LIMCH1: variants seen among roughly 807,000 people sequenced by gnomAD.
The protein encoded by LIMCH1 is LIM and calponin homology domains-containing protein 1.
A neutral mutation model predicts 176.5 loss-of-function variants in LIMCH1; 113 were observed. The ratio of observed to expected loss-of-function variants is 0.64; its 90% CI spans 0.55 to 0.75. The LOEUF is 0.75. Ranked by LOEUF, LIMCH1 falls within the 30% of genes least tolerant of loss-of-function variation. The pLI is 0.00. For synonymous variants in LIMCH1, 619 were observed against 645.9 expected (o/e 0.96, Z 0.63); for missense variants, 1,674 against 1,814.9 (o/e 0.92, Z 1.41).
At chr4:41,557,173 G>A (rs905800791) in intron 1 of LIMCH1, among the ~76,000 whole-genome samples, 6 of 152,130 alleles carry the variant, frequency 3.9e-5, no homozygotes, top group African/African-American at 9.7e-5. Flanking sequence ...CCTGTGGGCC[G>A]TTGTAAAATG....
chr4:41,454,140 G>C lies in LIMCH1; in HGVS notation c.97-40396G>C, dbSNP rs149944130. ...ACCCTCACCACATTCTCTCCCGTAA[G>C]TGCCTTCATGCTCCCTTCATGACCC... On this transcript the variant is annotated intron_variant, in intron 1 of 26. Transcript: ENST00000313860. Among the ~76,000 whole-genome samples the C allele has an allele frequency of 1.0e-3, 157 of 152,124 alleles. 2 individuals carry two copies. Among genetic ancestry groups the C allele is most frequent in the African/African-American group, 2.8e-3 (116 of 41,500 alleles).
chr4:41,516,206 G>GGT (rs1294197799), intron 2 of LIMCH1, among the ~76,000 whole-genome samples: 2 of 152,174 alleles, frequency 1.3e-5, no homozygotes, highest in Non-Finnish European at 2.9e-5. Flanking sequence ...TTGATTACCA[G>GGT]GTGAAGGCAT....
upstream of LIMCH1, among the ~76,000 whole-genome samples, chr4:41,360,304 G>C (rs1015603171): frequency 1.3e-5 from 2 of 152,066 alleles, no homozygotes; most frequent in South Asian, 4.1e-4. This position sits in a 1 kb window ranked among gnomAD's most constrained non-coding sequence, Gnocchi z 4.5. Context: ...CAGGTGCTGC[G>C]CGGCCAGTGC....
chr4:41,401,774 A>G (rs1203629875), intron 1 of LIMCH1, among the ~76,000 whole-genome samples: 1 of 152,046 alleles, frequency 6.6e-6, no homozygotes, highest in African/African-American at 2.4e-5. Flanking sequence ...ATTCCTAAGT[A>G]TTTTATTCTA....
At chr4:41,586,750 G>A (rs2086554946) in intron 1 of LIMCH1, among the ~76,000 whole-genome samples, 1 of 152,150 alleles carries the variant, frequency 6.6e-6, no homozygotes, top group Non-Finnish European at 1.5e-5. Context: ...AATCCAGACA[G>A]TTTTCCTGAT....
chr4:41,530,819 A>AAT (rs1561650483), intron 3 of LIMCH1, among the ~76,000 whole-genome samples: 25 of 84,720 alleles, frequency 3.0e-4, no homozygotes, highest in Non-Finnish European at 4.4e-4. Flanking sequence ...AAAAAAAAAA[A>AAT]TTTTTTTTTT....
chr4:41,531,006 T>C (rs901282472), intron 3 of LIMCH1, among the ~76,000 whole-genome samples: 4 of 151,792 alleles, frequency 2.6e-5, no homozygotes, highest in African/African-American at 9.7e-5. Flanking sequence ...ATCTTTACTC[T>C]AAAGTTCAAA....
intron 1 of LIMCH1, among the ~76,000 whole-genome samples, chr4:41,559,049 T>A (rs1251081956): frequency 1.3e-5 from 2 of 152,156 alleles, no homozygotes; most frequent in African/African-American, 4.8e-5. Flanking sequence ...TGAAAAAAAA[T>A]ATTTTATCTG....
At chr4:41,459,546 C>T (rs1394679689) in intron 1 of LIMCH1, among the ~76,000 whole-genome samples, 1 of 152,186 alleles carries the variant, frequency 6.6e-6, no homozygotes, top group East Asian at 1.9e-4. Flanking sequence ...AAGCAGTCCT[C>T]CTGCCTCAGC....
intron 1 of LIMCH1, among the ~76,000 whole-genome samples, chr4:41,370,614 A>G (rs2154097044): frequency 6.6e-6 from 1 of 152,298 alleles, no homozygotes; most frequent in South Asian, 2.1e-4. Flanking sequence ...AAGATGTCAT[A>G]AATAGGAGGG....
chr4:41,583,783 CTT>C (rs544573341), intron 1 of LIMCH1, among the ~76,000 whole-genome samples: 7 of 132,964 alleles, frequency 5.3e-5, no homozygotes, highest in Non-Finnish European at 6.1e-5. Flanking sequence ...CTCTCTCTCT[CTT>C]TTTTTTTTTT....
intron 1 of LIMCH1, among the ~76,000 whole-genome samples, chr4:41,477,096 G>A (rs2067860435): frequency 6.6e-6 from 1 of 152,188 alleles, no homozygotes; most frequent in African/African-American, 2.4e-5. Flanking sequence ...TAGGAGGGCA[G>A]GTCAGGAGCC....
At chr4:41,472,074 G>A (rs989162926) in intron 1 of LIMCH1, among the ~76,000 whole-genome samples, 1 of 152,244 alleles carries the variant, frequency 6.6e-6, no homozygotes, top group African/African-American at 2.4e-5. Flanking sequence ...ACATCTGTAG[G>A]TAGTGTTGTG....
intron 3 of LIMCH1, 44 bp downstream of exon 3, chr4:41,603,949 T>C: frequency 6.5e-7 from 1 of 1,547,570 alleles, no homozygotes; most frequent in Non-Finnish European, 8.9e-7. Flanking sequence ...ATGGTTCAAG[T>C]GTAAAATTTA....
chr4:41,664,496 A>C (rs1379019785), intron 20 of LIMCH1, among the ~76,000 whole-genome samples: 1 of 152,190 alleles, frequency 6.6e-6, no homozygotes, highest in Non-Finnish European at 1.5e-5. Flanking sequence ...AATGGTCTGC[A>C]GGTCTGGAAA....
At chr4:41,523,032 T>C (rs990647368) in intron 2 of LIMCH1, among the ~76,000 whole-genome samples, 37 of 152,248 alleles carry the variant, frequency 2.4e-4, no homozygotes, top group African/African-American at 8.9e-4. Context: ...GAACAGCCAA[T>C]TAATCTTGCA....
chr4:41,512,135 G>C (rs1426417367), intron 2 of LIMCH1, among the ~76,000 whole-genome samples: 1 of 152,100 alleles, frequency 6.6e-6, no homozygotes, highest in Non-Finnish European at 1.5e-5. Flanking sequence ...AAAATGACTA[G>C]TAAGTACATA....
intron 21 of LIMCH1, among the ~76,000 whole-genome samples, 139 bp from the exon 22 acceptor site, chr4:41,671,397 AACACACACACACACACAC>A (rs141018823): frequency 0.099 from 13,591 of 137,560 alleles, 732 homozygotes; most frequent in South Asian, 0.17. Flanking sequence ...TGACTTACCA[AACACACACACACACACAC>A]ACACACACAC....
At chr4:41,557,172 C>T (rs1334754743) in intron 1 of LIMCH1, among the ~76,000 whole-genome samples, 6 of 152,050 alleles carry the variant, frequency 3.9e-5, no homozygotes, top group African/African-American at 1.4e-4. Flanking sequence ...TCCTGTGGGC[C>T]GTTGTAAAAT....
Sources: gnomAD v4.1 joint callset for allele counts (sites outside exome capture counted in the v4.1 genomes callset) on GRCh38, gnomAD v4.1.1 for gene constraint, Gnocchi (gnomAD v3.1) non-coding constraint, MANE v1.5 for transcripts, NCBI Gene and HGNC (gene_info 2026-07-23, HGNC 2026-07-21) for gene names.